The following BCL2L13 variants were observed in gnomAD, a reference collection of about 807,000 sequenced individuals.
BCL2L13 encodes the protein BCL2 like 13.
Under a neutral mutation model 25.8 loss-of-function variants are expected in BCL2L13, and 13 were observed. The ratio of observed to expected loss-of-function variants is 0.50; its 90% confidence interval spans 0.33 to 0.80. The LOEUF is 0.80. Among genes scored for constraint, BCL2L13 ranks in the 30% least tolerant of loss-of-function variants. The pLI, the probability that BCL2L13 is intolerant of heterozygous loss-of-function variation, is 0.02. For synonymous variants in BCL2L13, 244 were observed against 230.3 expected, an observed-to-expected ratio of 1.06 and a Z score of -0.54; for missense variants, 504 against 574.9, an observed-to-expected ratio of 0.88 and a Z score of 1.26.
intron 6 of BCL2L13, among the ~76,000 whole-genome samples, chr22:17,718,618 A>G (rs1006241906): frequency 1.1e-4 from 17 of 152,230 alleles, no homozygotes; most frequent in African/African-American, 3.9e-4. Context: ...AGATTATAGC[A>G]GTGACAGTCT....
chr22:17,629,370 G>A (rs1399822954), intron 1 of BCL2L13, among the ~76,000 whole-genome samples: 2 of 152,122 alleles, frequency 1.3e-5, no homozygotes, highest in South Asian at 2.1e-4. Flanking sequence ...CCCACACCTA[G>A]GGAGTGGGAA....
At chr22:17,681,456 G>A (rs529324497) in intron 2 of BCL2L13, among the ~76,000 whole-genome samples, 1 of 151,330 alleles carries the variant, frequency 6.6e-6, no homozygotes, top group South Asian at 2.1e-4. Flanking sequence ...CAGAGCTTGC[G>A]CCACTGTACT....
At chr22:17,638,666 G>C (rs1006779139), upstream of BCL2L13, 7 of 1,231,484 alleles carry the variant, frequency 5.7e-6, no homozygotes, top group Admixed American at 8.4e-5. Context: ...TCCGTTGGTC[G>C]GTCCTTCCGC....
chr22:17,717,798 C>T (rs770639418), intron 6 of BCL2L13, among the ~76,000 whole-genome samples: 9 of 151,854 alleles, frequency 5.9e-5, no homozygotes, highest in African/African-American at 9.7e-5. Flanking sequence ...TGAAAGACAA[C>T]GATTGAGGCC....
At chr22:17,633,858 C>G (rs760954699), upstream of BCL2L13, among the ~76,000 whole-genome samples, 1 of 152,008 alleles carries the variant, frequency 6.6e-6, no homozygotes, top group African/African-American at 2.4e-5. Flanking sequence ...ATTTACAACT[C>G]TGTCATGGCT....
At chr22:17,643,776 G>T (rs907849277) in intron 1 of BCL2L13, among the ~76,000 whole-genome samples, 1 of 151,558 alleles carries the variant, frequency 6.6e-6, no homozygotes, top group East Asian at 2.0e-4. Flanking sequence ...ACCATGCCCG[G>T]CTAATTTTTT....
At chr22:17,660,392 C>T (rs1052574579) in intron 2 of BCL2L13, among the ~76,000 whole-genome samples, 2 of 145,810 alleles carry the variant, frequency 1.4e-5, no homozygotes, top group African/African-American at 4.9e-5. Context: ...ATAAATTGAT[C>T]AGATTGGTTT....
chr22:17,703,841 T>C (rs1353966799), intron 6 of BCL2L13: 1 of 152,176 alleles, frequency 6.6e-6, no homozygotes, highest in Non-Finnish European at 1.5e-5. Flanking sequence ...TATTGTAGTG[T>C]ATGGTTTGTA....
chr22:17,717,864 A>T (rs1489983596), intron 6 of BCL2L13, among the ~76,000 whole-genome samples: 3 of 152,206 alleles, frequency 2.0e-5, no homozygotes, highest in African/African-American at 7.2e-5. Flanking sequence ...AAGCAGGCAG[A>T]TTGCTTAAGA....
At chr22:17,716,790 G>A (rs1355155317) in intron 6 of BCL2L13, among the ~76,000 whole-genome samples, 1 of 152,160 alleles carries the variant, frequency 6.6e-6, no homozygotes, top group African/African-American at 2.4e-5. Flanking sequence ...GTAATGGCCG[G>A]ATGGTACCTT....
chr22:17,686,423 C>G (rs1022293071), intron 3 of BCL2L13, among the ~76,000 whole-genome samples: 9 of 151,810 alleles, frequency 5.9e-5, no homozygotes, highest in African/African-American at 2.2e-4. Context: ...GTACTCCAGG[C>G]TGGGTGACAG....
Position 17,638,864 on chromosome 22 carries a change from T to C in BCL2L13, c.-73T>C. On this transcript the variant is annotated 5_prime_UTR_variant, in exon 1 of 7. Transcript: ENST00000317582. ...TGCCGCCGCCGCCTCTTTCATCTCTTCTGGGGCAGGGGCCAGGGCCAGGTG... is the reference window on the plus strand; with the variant it reads ...TGCCGCCGCCGCCTCTTTCATCTCTCCTGGGGCAGGGGCCAGGGCCAGGTG... 1.6e-6 allele frequency: 2 copies of C among 1,232,594 alleles called. No homozygotes were observed. Among genetic ancestry groups the C allele is most frequent in the South Asian group, 4.1e-5 (1 of 24,328 alleles). 76.4% of individuals were successfully genotyped at this position (1,232,594 alleles called of 1,614,324 possible).
intron 1 of BCL2L13, among the ~76,000 whole-genome samples, chr22:17,639,692 T>A (rs2058199173): frequency 6.6e-6 from 1 of 152,188 alleles, no homozygotes; most frequent in South Asian, 2.1e-4. Context: ...GAGCCCTCCC[T>A]CCTTACTTTT....
chr22:17,630,586 C>CTTTTTTT (rs34181282), intron 1 of BCL2L13, among the ~76,000 whole-genome samples: 4 of 126,242 alleles, frequency 3.2e-5, no homozygotes, highest in Non-Finnish European at 4.8e-5. Flanking sequence ...CCTTCTTTTT[C>CTTTTTTT]TTTTCTTTTT....
intron 1 of BCL2L13, among the ~76,000 whole-genome samples, chr22:17,632,272 A>G (rs1321753364): frequency 6.6e-6 from 1 of 152,050 alleles, no homozygotes; most frequent in Non-Finnish European, 1.5e-5. Flanking sequence ...TGTAGGACAG[A>G]TTGGTGTACA....
intron 3 of BCL2L13, among the ~76,000 whole-genome samples, chr22:17,688,771 T>G (rs1045636652): frequency 2.7e-5 from 4 of 150,480 alleles, no homozygotes; most frequent in East Asian, 1.9e-4. Flanking sequence ...TATTGTTGTT[T>G]TTTTTTTTTT....
chr22:17,665,678 G>A (rs571042109), intron 2 of BCL2L13, among the ~76,000 whole-genome samples: 3 of 152,116 alleles, frequency 2.0e-5, no homozygotes, highest in Non-Finnish European at 4.4e-5. Flanking sequence ...CTATGTTATA[G>A]CATAAATAAT....
At chr22:17,663,676 A>G (rs924769781) in intron 2 of BCL2L13, among the ~76,000 whole-genome samples, 1 of 101,918 alleles carries the variant, frequency 9.8e-6, no homozygotes, top group African/African-American at 3.5e-5. Flanking sequence ...TATCTTTTAC[A>G]TTTTTCCTTT....
intron 2 of BCL2L13, among the ~76,000 whole-genome samples, chr22:17,657,744 C>T (rs2058923061): frequency 6.6e-6 from 1 of 150,718 alleles, no homozygotes. Flanking sequence ...TCTTGATCAT[C>T]TGACCTCATG....
Sources: gnomAD v4.1 joint callset for allele counts (sites outside exome capture counted in the v4.1 genomes callset) on GRCh38, gnomAD v4.1.1 for gene constraint, MANE v1.5 for transcripts, NCBI Gene and HGNC (gene_info 2026-07-23, HGNC 2026-07-21) for gene names.